HERC6: variants seen among roughly 807,000 people sequenced by gnomAD.
The protein encoded by HERC6 is HECT and RLD domain containing E3 ubiquitin protein ligase family member 6.
Under a neutral mutation model 114.5 loss-of-function variants are expected in HERC6, and 101 were observed. The ratio of observed to expected loss-of-function variants is 0.88; its 90% CI spans 0.75 to 1.04. The LOEUF (loss-of-function observed/expected upper bound fraction) is 1.04, where lower values mean the gene tolerates loss of function less well. Ranked by LOEUF, HERC6 falls within the 50% of genes least tolerant of loss-of-function variation. The probability of loss-of-function intolerance (pLI) is 0.00; values close to 1 mark genes in which losing one functional copy is unlikely to be tolerated. For synonymous variants in HERC6, 408 were observed against 436.2 expected, an observed-to-expected ratio of 0.94 and a Z score of 0.81; for missense variants, 1,133 against 1,230.9, an observed-to-expected ratio of 0.92 and a Z score of 1.19.
chr4:88,382,069 A>G (rs1047872542), intron 1 of HERC6, among the ~76,000 whole-genome samples: 2 of 152,214 alleles, frequency 1.3e-5, no homozygotes, highest in African/African-American at 4.8e-5. Context: ...ATTGTTCTCT[A>G]GAAAAATGGT....
intron 3 of HERC6, among the ~76,000 whole-genome samples, chr4:88,385,967 A>G (rs1427422152): frequency 1.3e-5 from 2 of 151,992 alleles, no homozygotes; most frequent in Admixed American, 1.3e-4. Context: ...TTTTCTTTTT[A>G]AAAATTTTTA....
At position 88,413,077 on chromosome 4, in the gene HERC6, A is replaced by G; in HGVS notation, c.1369A>G (p.Ile457Val). 1 of 1,600,548 alleles carries G rather than the reference A, an allele frequency of 6.2e-7. No homozygotes were observed. Among genetic ancestry groups the G allele is most frequent in the Non-Finnish European group, 8.5e-7 (1 of 1,174,418 alleles). ...TTCCCTGATCCTATTTTTACCACAG[A>G]TAACTACGTGTCTCGAGGATGATCT... ...LTKKEWISSM[I>V]TTCLEDDLLR... The change falls in exon 12 of 23, where the codon ATA becomes GTA. Residue 457 changes from isoleucine to valine, a missense_variant and splice_region_variant. Around this residue, in one of 3 missense-constraint regions of HERC6, gnomAD observed 735 missense variants for 754.0 expected, o/e 0.97. Transcript: ENST00000264346.
At chr4:88,385,609 G>A (rs1447955480) in intron 3 of HERC6, 34 bp downstream of exon 3, 1 of 1,188,222 alleles carries the variant, frequency 8.4e-7, no homozygotes, top group Non-Finnish European at 1.2e-6. Context: ...AGTGTGAGTA[G>A]GAAGTAATTT....
At chr4:88,422,441 A>C (rs1384937819) in intron 13 of HERC6, among the ~76,000 whole-genome samples, 1 of 152,202 alleles carries the variant, frequency 6.6e-6, no homozygotes, top group Non-Finnish European at 1.5e-5. Flanking sequence ...TAAAAGGTTA[A>C]GGAAACTTCA....
Position 88,443,061 on chromosome 4 carries a change from G to C in HERC6, c.*601G>C, listed in dbSNP as rs1560584012. ...GTACTTTCACTTTTGCTGCTTCACT[G>C]CCTTGTGCTCCAATAAATCCACTCC... On this transcript the variant is annotated 3_prime_UTR_variant, in exon 23 of 23. Coordinates refer to ENST00000264346, the MANE Select transcript of HERC6 (RefSeq NM_017912.4). The C allele has an allele frequency of 6.5e-6, 1 of 154,672 alleles. No homozygotes were observed. 9.6% of individuals were successfully genotyped at this position (154,672 alleles called of 1,614,324 possible). A position where few individuals can be genotyped will look rare whatever the true frequency, so the allele number is the denominator to read the frequency against.
intron 3 of HERC6, among the ~76,000 whole-genome samples, chr4:88,388,087 T>C (rs1734682283): frequency 6.6e-6 from 1 of 152,240 alleles, no homozygotes; most frequent in Admixed American, 6.5e-5. Context: ...CTCTGAGATA[T>C]GTTAGCATTT....
chr4:88,437,426 G>T (rs1299147739), intron 19 of HERC6, among the ~76,000 whole-genome samples: 1 of 151,990 alleles, frequency 6.6e-6, no homozygotes, highest in African/African-American at 2.4e-5. Context: ...TTCTTCTCAT[G>T]TCTATATACT....
chr4:88,403,134 T>C (rs1176795892), intron 8 of HERC6, among the ~76,000 whole-genome samples: 2 of 152,206 alleles, frequency 1.3e-5, no homozygotes, highest in African/African-American at 4.8e-5. Flanking sequence ...CTGTTTGGGC[T>C]ATTTGGTCTC....
At chr4:88,428,494 C>A in intron 15 of HERC6, 86 bp from the exon 16 acceptor site, 2 of 1,030,574 alleles carry the variant, frequency 1.9e-6, no homozygotes, top group Non-Finnish European at 1.4e-6. Flanking sequence ...ATATACTACA[C>A]AAAATGTTTA....
chr4:88,442,052 T>C (rs1446937965), intron 22 of HERC6, among the ~76,000 whole-genome samples, 182 bp from the exon 23 acceptor site: 1 of 152,208 alleles, frequency 6.6e-6, no homozygotes, highest in African/African-American at 2.4e-5. Context: ...AACTACACCA[T>C]GAACTCATTG....
chr4:88,405,101 T>C, intron 9 of HERC6, 104 bp downstream of exon 9: 1 of 1,409,602 alleles, frequency 7.1e-7, no homozygotes, highest in South Asian at 1.4e-5. Flanking sequence ...GGTATTTGCA[T>C]TTTGACCATG....
At chr4:88,399,551 A>C (rs1472943379) in intron 8 of HERC6, 1 of 152,262 alleles carries the variant, frequency 6.6e-6, no homozygotes, top group Non-Finnish European at 1.5e-5. Context: ...CAGGCGGATC[A>C]CTTGAGGTCA....
In HERC6 at chr4:88,383,266, G is replaced by T; in HGVS notation, c.245G>T (p.Cys82Phe). The T allele has an allele frequency of 6.2e-7, 1 of 1,607,248 alleles. No individual in the cohort carries two copies. Among genetic ancestry groups the T allele is most frequent in the Non-Finnish European group, 8.5e-7 (1 of 1,176,936 alleles). Residue 82 changes from cysteine to phenylalanine, a missense_variant, in exon 2 of 23, where the codon TGC becomes TTC. This residue lies in a region of HERC6 where 735 missense variants were observed against 754.0 expected (regional missense o/e 0.97). Transcript: ENST00000264346. ...ACCCTAATTGTTGATCTCGTGAGCT[G>T]CGGGAAGGAGCACTCCCTGGCTGTG... ...LETLIVDLVSCGKEHSLAVCH... is the reference protein window; with the variant it reads ...LETLIVDLVSFGKEHSLAVCH...
At chr4:88,437,096 A>T in intron 19 of HERC6, 125 bp downstream of exon 19, 1 of 638,532 alleles carries the variant, frequency 1.6e-6, no homozygotes, top group Non-Finnish European at 2.6e-6. Context: ...TCACTCTGTC[A>T]CCCAGGTTGG....
chr4:88,387,866 T>A (rs1410930659), intron 3 of HERC6, among the ~76,000 whole-genome samples: 1 of 152,244 alleles, frequency 6.6e-6, no homozygotes, highest in East Asian at 1.9e-4. Flanking sequence ...AATTCTTTCC[T>A]TGGGGCACTG....
chr4:88,440,161 A>C lies in HERC6; in HGVS notation c.2753A>C (p.Glu918Ala), dbSNP rs1739201502. 1.2e-6 allele frequency: 2 copies of C among 1,609,096 alleles called. No homozygotes were observed. Among genetic ancestry groups the C allele is most frequent in the Non-Finnish European group, 1.7e-6 (2 of 1,176,760 alleles). ...WKQFEQNSKYEQGYQKSHPTI... is the reference protein window; with the variant it reads ...WKQFEQNSKYAQGYQKSHPTI... The stretch of plus-strand genomic sequence containing the variant: ...CTTTCTCTCAAGAATTCAAAGTATG[A>C]GCAAGGATACCAAAAATCACATCCT... Residue 918 changes from glutamate to alanine, a missense_variant, in exon 22 of 23, where the codon GAG becomes GCG. Physicochemically the swap from Glu to Ala is moderately radical, Grantham distance 107. Transcript: ENST00000264346.
rs374213974 is a variant in HERC6, at chr4:88,417,499, C to G, written c.1633C>G (p.Gln545Glu). Residue 545 changes from glutamine (Q) to glutamate (E), a missense_variant, in exon 13 of 23, where the codon CAG (glutamine) becomes GAG (glutamate). By Grantham distance (29) the Gln-to-Glu change is conservative. Transcript: ENST00000264346. ...GATGCTTAAAGCAGCCATCATCTCTCAGCTGCTTCATCAGACTAAAACCGA... is the reference window on the plus strand; with the variant it reads ...GATGCTTAAAGCAGCCATCATCTCTGAGCTGCTTCATCAGACTAAAACCGA... ...IQMLKAAIISQLLHQTKTEQD... is the reference protein window; with the variant it reads ...IQMLKAAIISELLHQTKTEQD... 1 of 1,611,832 alleles carries G rather than the reference C, an allele frequency of 6.2e-7. No homozygotes were observed. The highest frequency in any genetic ancestry group is 8.5e-7 in the Non-Finnish European group (1 of 1,178,956).
chr4:88,430,365 G>A (rs938198079), intron 16 of HERC6, among the ~76,000 whole-genome samples: 4 of 151,818 alleles, frequency 2.6e-5, no homozygotes, highest in Non-Finnish European at 4.4e-5. Flanking sequence ...GCCAAGGTGG[G>A]CGGATTACCA....
chr4:88,430,249 C>A (rs1359163513), intron 16 of HERC6, among the ~76,000 whole-genome samples: 3 of 151,920 alleles, frequency 2.0e-5, no homozygotes, highest in Non-Finnish European at 2.9e-5. Flanking sequence ...GGGGGAAAAC[C>A]AAGATAGTAC....
Sources: gnomAD v4.1 joint callset for allele counts (sites outside exome capture counted in the v4.1 genomes callset) on GRCh38, gnomAD v4.1.1 for gene constraint, gnomAD v4.1.1 regional missense constraint, MANE v1.5 for transcripts, NCBI Gene and HGNC (gene_info 2026-07-23, HGNC 2026-07-21) for gene names.